Variants in FBXO31 observed in about 807,000 individuals in gnomAD.
FBXO31 encodes F-box only protein 31.
Under a neutral mutation model 54.4 loss-of-function variants are expected in FBXO31, and 24 were observed. That is an observed-to-expected ratio of 0.44 (90% CI 0.32 to 0.62). The LOEUF (loss-of-function observed/expected upper bound fraction) is 0.62. Among genes scored for constraint, FBXO31 ranks in the 20% least tolerant of loss-of-function variants. The probability of loss-of-function intolerance (pLI) is 0.05; values close to 1 mark genes in which losing one functional copy is unlikely to be tolerated. For synonymous variants in FBXO31, 388 were observed against 335.6 expected (o/e 1.16, Z -1.71); for missense variants, 665 against 787.1 (o/e 0.84, Z 1.86).
At chr16:87,381,622 G>A (rs1395619956) in intron 1 of FBXO31, among the ~76,000 whole-genome samples, 1 of 152,218 alleles carries the variant, frequency 6.6e-6, no homozygotes, top group African/African-American at 2.4e-5. Context: ...TTGGAGAAAG[G>A]GTTCTTCTCA....
chr16:87,362,317 T>C (rs550212860), intron 1 of FBXO31, among the ~76,000 whole-genome samples: 16 of 152,166 alleles, frequency 1.1e-4, no homozygotes, highest in Admixed American at 2.6e-4. Flanking sequence ...TTTTTTTTTT[T>C]AGAGATAGGG....
chr16:87,350,911 T>C (rs944013012), intron 2 of FBXO31, among the ~76,000 whole-genome samples: 10 of 152,218 alleles, frequency 6.6e-5, no homozygotes, highest in African/African-American at 2.2e-4. Flanking sequence ...GAGATGCCAG[T>C]TCTAAAGCGA....
At chr16:87,356,100 G>T (rs536938151) in intron 2 of FBXO31, among the ~76,000 whole-genome samples, 37 of 152,052 alleles carry the variant, frequency 2.4e-4, no homozygotes, top group African/African-American at 8.7e-4. Flanking sequence ...GTGGTGGCAG[G>T]CGCCTGGAGT....
At chr16:87,373,786 C>T (rs1485650507) in intron 1 of FBXO31, among the ~76,000 whole-genome samples, 1 of 152,214 alleles carries the variant, frequency 6.6e-6, no homozygotes, top group East Asian at 1.9e-4. Context: ...AGCCATAGCT[C>T]TCATACTGTG....
intron 1 of FBXO31, among the ~76,000 whole-genome samples, chr16:87,364,890 C>T (rs1309978637): frequency 6.7e-6 from 1 of 149,866 alleles, no homozygotes; most frequent in African/African-American, 2.5e-5. Flanking sequence ...GGCATGGTGG[C>T]ACACTACTCA....
Position 87,329,417 on chromosome 16 carries a change from C to A in FBXO31, c.*1871G>T, listed in dbSNP as rs962959012. On this transcript the variant is annotated 3_prime_UTR_variant, in exon 9 of 9. Coordinates refer to ENST00000311635, the MANE Select transcript of FBXO31 (RefSeq NM_024735.5). ...AGCCCCAAAGGGCACGCCTCTAGGA[C>A]TGCGTCCCTTAGAGCGAGGCTCGGG... The A allele has an allele frequency of 1.4e-4, 21 of 152,304 alleles. No individual in the cohort carries two copies. The highest frequency in any genetic ancestry group is 4.8e-4 in the African/African-American group (20 of 41,478). The allele number at this position is 152,304 out of a possible 1,614,324, so 9.4% of individuals were successfully genotyped here.
chr16:87,374,640 T>A (rs1906745066), intron 1 of FBXO31, among the ~76,000 whole-genome samples: 1 of 152,210 alleles, frequency 6.6e-6, no homozygotes, highest in South Asian at 2.1e-4. Flanking sequence ...GTATTCCACG[T>A]AACATTAAAG....
chr16:87,374,924 T>C (rs750681196), intron 1 of FBXO31, among the ~76,000 whole-genome samples: 3 of 152,246 alleles, frequency 2.0e-5, no homozygotes, highest in Admixed American at 6.5e-5. Flanking sequence ...GGCTCACGCC[T>C]GTAATCCCAA....
intron 1 of FBXO31, among the ~76,000 whole-genome samples, chr16:87,378,854 C>T (rs995548030): frequency 4.0e-5 from 6 of 150,840 alleles, no homozygotes; most frequent in East Asian, 2.0e-4. Context: ...CCCAGCTACT[C>T]GGGAGGCTGA....
intron 1 of FBXO31, among the ~76,000 whole-genome samples, chr16:87,373,578 G>A (rs780512808): frequency 1.5e-4 from 22 of 149,420 alleles, no homozygotes; most frequent in Non-Finnish European, 2.8e-4. Context: ...CATCCAGGCT[G>A]GAGTGCAGCG....
At chr16:87,355,812 G>A (rs1381990821) in intron 2 of FBXO31, among the ~76,000 whole-genome samples, 2 of 152,160 alleles carry the variant, frequency 1.3e-5, no homozygotes, top group Admixed American at 1.3e-4. Context: ...ACCTGCCTCG[G>A]GGACAAAAGG....
intron 2 of FBXO31, among the ~76,000 whole-genome samples, chr16:87,354,449 A>G (rs1905805560): frequency 6.6e-6 from 1 of 151,266 alleles, no homozygotes; most frequent in South Asian, 2.1e-4. Context: ...AGCCTGGGCA[A>G]CAGAGCGAGA....
chr16:87,383,264 C>T lies in FBXO31; in HGVS notation c.340+141G>A. 1.2e-6 allele frequency: 1 copy of T among 824,654 alleles called. No homozygotes were observed. Among genetic ancestry groups the T allele is most frequent in the Non-Finnish European group, 1.8e-6 (1 of 561,956 alleles). 51.1% of individuals were successfully genotyped at this position (824,654 alleles called of 1,614,324 possible). On this transcript the variant is annotated intron_variant, in intron 1 of 8. Transcript: ENST00000311635. The surrounding 1 kb of genome is among the most constrained non-coding windows in gnomAD (Gnocchi z 4.9). ...TCACCGCGGCCGCTCCCCACCCACA[C>T]CCAAAACACCACATCGCCGGGCCCC...
intron 5 of FBXO31, among the ~76,000 whole-genome samples, chr16:87,341,139 T>C (rs563755821): frequency 6.6e-6 from 1 of 152,178 alleles, no homozygotes; most frequent in Non-Finnish European, 1.5e-5. Flanking sequence ...CTCCTGGGTG[T>C]TTCTCTCATT....
upstream of FBXO31, among the ~76,000 whole-genome samples, chr16:87,385,108 C>A (rs1176230745): frequency 6.7e-6 from 1 of 149,028 alleles, no homozygotes; most frequent in Non-Finnish European, 1.5e-5. Context: ...TCGGTTAAGC[C>A]CAGGAGTCGG....
intron 3 of FBXO31, 55 bp downstream of exon 3, chr16:87,347,119 G>A (rs1227018201): frequency 1.7e-5 from 25 of 1,498,498 alleles, no homozygotes; most frequent in East Asian, 2.3e-5. Flanking sequence ...ATTCCTCCAC[G>A]TAAGGCACCA....
intron 1 of FBXO31, among the ~76,000 whole-genome samples, chr16:87,382,448 G>A (rs1206285107): frequency 6.6e-6 from 1 of 152,110 alleles, no homozygotes; most frequent in Non-Finnish European, 1.5e-5. Context: ...ACATCAAAGA[G>A]CTGTCAACCT....
chr16:87,335,291 A>AGCC lies in FBXO31; in HGVS notation c.996+10_996+12dup. 2 of 1,612,618 alleles carry AGCC rather than the reference A, an allele frequency of 1.2e-6. No homozygotes were observed. The highest frequency in any genetic ancestry group is 1.7e-6 in the Non-Finnish European group (2 of 1,179,926). ...CCCCCAGAGCCCCACCAACCAGGTC[A>AGCC]GCCGCCACTCACCGTGATCTTGGTG... On this transcript the variant is annotated intron_variant, in intron 7 of 8. Coordinates refer to ENST00000311635, the MANE Select transcript of FBXO31 (RefSeq NM_024735.5). This position sits in a 1 kb window ranked among gnomAD's most constrained non-coding sequence, Gnocchi z 5.7.
chr16:87,363,751 C>A (rs1452520271), intron 1 of FBXO31, among the ~76,000 whole-genome samples: 1 of 152,142 alleles, frequency 6.6e-6, no homozygotes, highest in Non-Finnish European at 1.5e-5. Flanking sequence ...GGACTCTCAG[C>A]AAAACCAACA....
Sources: gnomAD v4.1 joint callset for allele counts (sites outside exome capture counted in the v4.1 genomes callset) on GRCh38, gnomAD v4.1.1 for gene constraint, Gnocchi (gnomAD v3.1) non-coding constraint, MANE v1.5 for transcripts, NCBI Gene and HGNC (gene_info 2026-07-23, HGNC 2026-07-21) for gene names.